Variants in INSIG2 observed in about 807,000 individuals in gnomAD.
INSIG2 encodes insulin-induced gene 2 protein.
INSIG2 carries 10 observed loss-of-function variants against 27.2 expected under a neutral mutation model. That is an observed-to-expected ratio of 0.37 (90% CI 0.23 to 0.62). The LOEUF (loss-of-function observed/expected upper bound fraction) is 0.62, where lower values mean the gene tolerates loss of function less well. Ranked by LOEUF, INSIG2 falls within the 20% of genes least tolerant of loss-of-function variation. The pLI, the probability that INSIG2 is intolerant of heterozygous loss-of-function variation, is 0.65. For synonymous variants in INSIG2, 97 were observed against 95.8 expected (o/e 1.01, Z -0.07); for missense variants, 178 against 270.2 (o/e 0.66, Z 2.39).
In INSIG2 at chr2:118,108,289, T is replaced by A. The variant is rs780904693; in HGVS notation, c.645T>A (p.Cys215Ter). 1 of 1,593,768 alleles carries A rather than the reference T, an allele frequency of 6.3e-7. No homozygotes were observed. The highest frequency in any genetic ancestry group is 1.1e-5 in the South Asian group (1 of 88,086). Residue 215 changes from cysteine (C) to a stop codon, truncating the protein, a stop_gained, in exon 6 of 6, where the codon TGT (cysteine) becomes TGA (stop). Coordinates refer to ENST00000245787, the MANE Select transcript of INSIG2 (RefSeq NM_016133.4). LOFTEE classifies it high-confidence loss of function. ...CCTTTTAATTTTTGCAGTACGAATG[T>A]AAAGTTATCGCAGAAAAATCTCATC... is the stretch of plus-strand genomic sequence containing the variant. ...NIGRQLAMYECKVIAEKSHQE is the reference protein window; with the variant it reads ...NIGRQLAMYE
Position 118,109,220 on chromosome 2 carries a change from A to G in INSIG2, c.*898A>G, listed in dbSNP as rs765343640. ...CACATGGAGCATATAGGAAACTCCAAACAGATCACAATGAGGTTTCTAAAT... is the reference window on the plus strand; with the variant it reads ...CACATGGAGCATATAGGAAACTCCAGACAGATCACAATGAGGTTTCTAAAT... On this transcript the variant is annotated 3_prime_UTR_variant, in exon 6 of 6. Transcript: ENST00000245787. 3.9e-5 allele frequency: 6 copies of G among 152,208 alleles called. No homozygotes were observed. Among genetic ancestry groups the G allele is most frequent in the African/African-American group, 9.6e-5 (4 of 41,452 alleles). 9.4% of individuals were successfully genotyped at this position (152,208 alleles called of 1,614,324 possible). A position where few individuals can be genotyped will look rare whatever the true frequency, so the allele number is the denominator to read the frequency against.
At chr2:118,098,206 A>G (rs952356979) in intron 2 of INSIG2, among the ~76,000 whole-genome samples, 1 of 152,188 alleles carries the variant, frequency 6.6e-6, no homozygotes, top group Admixed American at 6.5e-5. Flanking sequence ...TTTCTTCTAT[A>G]GTATAGTCTG....
chr2:118,094,267 G>GATA (rs1421489941), intron 1 of INSIG2, among the ~76,000 whole-genome samples: 1 of 135,654 alleles, frequency 7.4e-6, no homozygotes, highest in Non-Finnish European at 1.6e-5. Flanking sequence ...TGATGATGAT[G>GATA]AAGGAGAGTT....
rs956648116 is a variant in INSIG2 at position 118,096,912 on chromosome 2, A to G, written c.244+112A>G. The G allele has an allele frequency of 3.3e-6, 4 of 1,209,204 alleles. No homozygotes were observed. In the African/African-American group the frequency reaches 6.2e-5, roughly 19 times the overall value. The allele number at this position is 1,209,204 out of a possible 1,614,324, so 74.9% of individuals were successfully genotyped here. On this transcript the variant is annotated intron_variant, in intron 2 of 5. Coordinates refer to ENST00000245787, the MANE Select transcript of INSIG2 (RefSeq NM_016133.4). ...AAGAAAATATATTTATTGAGATATA[A>G]TTTAGGTATAATACACTGGACCCGT...
intron 3 of INSIG2, among the ~76,000 whole-genome samples, chr2:118,104,676 T>C (rs1055106872): frequency 6.6e-6 from 1 of 152,196 alleles, no homozygotes; most frequent in African/African-American, 2.4e-5. Flanking sequence ...TACTGCGACA[T>C]TGCAGCAGAG....
chr2:118,093,660 T>TGAG (rs546540684), intron 1 of INSIG2, among the ~76,000 whole-genome samples: 1,291 of 50,658 alleles, frequency 0.025, 81 homozygotes, highest in Non-Finnish European at 0.036. Flanking sequence ...CAGATGATGA[T>TGAG]GATGAGGAGG....
intron 1 of INSIG2, among the ~76,000 whole-genome samples, chr2:118,096,027 T>C (rs1678396835): frequency 6.6e-6 from 1 of 152,224 alleles, no homozygotes; most frequent in Non-Finnish European, 1.5e-5. Flanking sequence ...TACAGTATTG[T>C]AACTGATAGG....
intron 1 of INSIG2, among the ~76,000 whole-genome samples, chr2:118,093,663 TGAGGAG>T (rs762434302): frequency 0.045 from 1,102 of 24,260 alleles, 26 homozygotes; most frequent in Middle Eastern, 0.094. Context: ...ATGATGATGA[TGAGGAG>T]GAGGAGGAGG....
chr2:118,100,295 C>T (rs1678509027), intron 2 of INSIG2, among the ~76,000 whole-genome samples: 1 of 151,662 alleles, frequency 6.6e-6, no homozygotes, highest in African/African-American at 2.4e-5. Context: ...TCTGTCCTGT[C>T]AGCTGCCCTT....
Position 118,096,809 on chromosome 2 carries a change from A to C in INSIG2, c.244+9A>C. On this transcript the variant is annotated intron_variant, in intron 2 of 5. Coordinates refer to ENST00000245787, the MANE Select transcript of INSIG2 (RefSeq NM_016133.4). ...CTGTGGCACGGCTTCAGGTATGTGTAGGATGTTTCTGTAATGCTTAGAAAG... is the reference window on the plus strand; with the variant it reads ...CTGTGGCACGGCTTCAGGTATGTGTCGGATGTTTCTGTAATGCTTAGAAAG... 2 of 1,610,544 alleles carry C rather than the reference A, an allele frequency of 1.2e-6. No homozygotes were observed. The highest frequency in any genetic ancestry group is 1.7e-6 in the Non-Finnish European group (2 of 1,179,478).
Position 118,097,768 on chromosome 2 carries a change from C to T in INSIG2, c.244+968C>T, listed in dbSNP as rs757042246. The stretch of plus-strand genomic sequence containing the variant: ...CTTTTTAAATACCCATTTGGTGTCT[C>T]ATACTTAACATATATGAATGAATAT... On this transcript the variant is annotated intron_variant, in intron 2 of 5. Coordinates refer to ENST00000245787, the MANE Select transcript of INSIG2 (RefSeq NM_016133.4). 3.9e-5 allele frequency among the ~76,000 whole-genome samples: 6 copies of T among 152,184 alleles called. No homozygotes were observed. The East Asian group carries it at 1.2e-3, about 29-fold the overall frequency.
Position 118,096,720 on chromosome 2 carries a change from T to A in INSIG2, c.164T>A (p.Val55Glu). ...AATTTACTTCAGATTCAGAGAAATG[T>A]GACGCTCTTTCCACCTGATGTGATT... The part of the protein sequence containing the change: ...VLNLLQIQRN[V>E]TLFPPDVIAS... Residue 55 changes from valine to glutamate, a missense_variant, in exon 2 of 6, where the codon GTG (valine) becomes GAG (glutamate). Physicochemically the swap from Val to Glu is moderately radical, Grantham distance 121. Coordinates refer to ENST00000245787, the MANE Select transcript of INSIG2 (RefSeq NM_016133.4). The A allele has an allele frequency of 6.2e-7, 1 of 1,614,046 alleles. No individual in the cohort carries two copies. Among genetic ancestry groups the A allele is most frequent in the Non-Finnish European group, 8.5e-7 (1 of 1,179,924 alleles).
chr2:118,091,935 G>A (rs1447435991), intron 1 of INSIG2, among the ~76,000 whole-genome samples: 2 of 152,170 alleles, frequency 1.3e-5, no homozygotes, highest in Admixed American at 6.6e-5. Flanking sequence ...TTTAGTGGGT[G>A]GGAGCCAGGG....
chr2:118,102,135 T>A (rs1267377629), intron 2 of INSIG2, among the ~76,000 whole-genome samples: 1 of 152,260 alleles, frequency 6.6e-6, no homozygotes, highest in African/African-American at 2.4e-5. Context: ...TTAAGTGGTA[T>A]TGGTTATTTT....
intron 3 of INSIG2, among the ~76,000 whole-genome samples, chr2:118,106,364 TC>T (rs1678672929): frequency 6.6e-6 from 1 of 152,220 alleles, no homozygotes; most frequent in African/African-American, 2.4e-5. Flanking sequence ...AAAAGTGTGT[TC>T]CTTTAGTGAT....
Position 118,096,725 on chromosome 2 carries a change from C to T in INSIG2, c.169C>T (p.Leu57Phe). The change falls in exon 2 of 6, where the codon CTC (leucine) becomes TTC (phenylalanine). Residue 57 changes from leucine to phenylalanine, a missense_variant. Leu to Phe is a conservative substitution (Grantham distance 22, BLOSUM62 0). Transcript: ENST00000245787. ...NLLQIQRNVT[L>F]FPPDVIASIF... is the part of the protein sequence containing the mutation. Reference sequence around the variant, plus strand: ...ACTTCAGATTCAGAGAAATGTGACGCTCTTTCCACCTGATGTGATTGCAAG... The same window carrying T: ...ACTTCAGATTCAGAGAAATGTGACGTTCTTTCCACCTGATGTGATTGCAAG... The T allele has an allele frequency of 6.2e-7, 1 of 1,613,932 alleles. No homozygotes were observed.
chr2:118,093,744 A>T lies in INSIG2; in HGVS notation c.-138-2675A>T, dbSNP rs113426757. ...AGCAACCAGATGATGATGATGATGAAGGAGAGTTCTGTAGCTACTGAACCT... is the reference window on the plus strand; with the variant it reads ...AGCAACCAGATGATGATGATGATGATGGAGAGTTCTGTAGCTACTGAACCT... On this transcript the variant is annotated intron_variant, in intron 1 of 5. Transcript: ENST00000245787. 5.9e-3 allele frequency among the ~76,000 whole-genome samples: 371 copies of T among 63,270 alleles called. 15 individuals carry two copies. The highest frequency in any genetic ancestry group is 0.018 in the African/African-American group (308 of 16,860). The allele number at this position is 63,270 out of a possible 152,430, so 41.5% of individuals were successfully genotyped here.
Position 118,109,489 on chromosome 2 carries a change from T to C in INSIG2, c.*1167T>C, listed in dbSNP as rs1046762986. ...AGATCTTAATGGCAACCAGCACCTC[T>C]TAAGTATGGTTTAAACATATTCTTA... On this transcript the variant is annotated 3_prime_UTR_variant, in exon 6 of 6. Coordinates refer to ENST00000245787, the MANE Select transcript of INSIG2 (RefSeq NM_016133.4). 1 of 152,316 alleles carries C rather than the reference T, an allele frequency of 6.6e-6. No homozygotes were observed. The highest frequency in any genetic ancestry group is 1.5e-5 in the Non-Finnish European group (1 of 68,034). The allele number at this position is 152,316 out of a possible 1,614,324, so 9.4% of individuals were successfully genotyped here.
chr2:118,100,040 T>A (rs924310066), intron 2 of INSIG2, among the ~76,000 whole-genome samples: 1 of 152,182 alleles, frequency 6.6e-6, no homozygotes, highest in African/African-American at 2.4e-5. Context: ...TGCTTTTTTC[T>A]TCTTCAGAGT....
Sources: gnomAD v4.1 joint callset for allele counts (sites outside exome capture counted in the v4.1 genomes callset) on GRCh38, gnomAD v4.1.1 for gene constraint, MANE v1.5 for transcripts, NCBI Gene and HGNC (gene_info 2026-07-23, HGNC 2026-07-21) for gene names.